CLSTN2: variants seen among roughly 807,000 people sequenced by gnomAD.
The protein encoded by CLSTN2 is calsyntenin 2.
A neutral mutation model predicts 101.2 loss-of-function variants in CLSTN2; 48 were observed. The observed-to-expected ratio is 0.47, with a 90% CI of 0.38 to 0.60. The LOEUF is 0.60. Among genes scored for constraint, CLSTN2 ranks in the 20% least tolerant of loss-of-function variants. The pLI is 0.00. For missense variants in CLSTN2, 1,160 were observed against 1,238.2 expected (o/e 0.94, Z 0.95); for synonymous variants, 481 against 463.6 (o/e 1.04, Z -0.48).
intron 9 of CLSTN2, 29 bp from the exon 10 acceptor site, chr3:140,546,486 A>C (rs1935586188): frequency 6.2e-7 from 1 of 1,608,660 alleles, no homozygotes; most frequent in Non-Finnish European, 8.5e-7. Flanking sequence ...CAGTCTTCAC[A>C]GGGCAAATGA....
intron 2 of CLSTN2, among the ~76,000 whole-genome samples, chr3:140,187,609 A>G (rs1036433656): frequency 6.6e-6 from 1 of 152,148 alleles, no homozygotes; most frequent in African/African-American, 2.4e-5. Flanking sequence ...GCTGTCCTGT[A>G]GTAGGTAAAC....
At chr3:140,419,277 G>A (rs917973929) in intron 4 of CLSTN2, among the ~76,000 whole-genome samples, 3 of 150,394 alleles carry the variant, frequency 2.0e-5, no homozygotes, top group Non-Finnish European at 3.0e-5. Context: ...GAGATCACGA[G>A]TTCGAGACCA....
chr3:140,546,664 C>T lies in CLSTN2; in HGVS notation c.1657C>T (p.Leu553Phe). 1 of 1,612,934 alleles carries T rather than the reference C, an allele frequency of 6.2e-7. No homozygotes were observed. Among genetic ancestry groups the T allele is most frequent in the Non-Finnish European group, 8.5e-7 (1 of 1,179,704 alleles). ...GCTGGACATTAATTCCTTGGAAAGC[C>T]TTGGCCAAGGAATAAAGGTAAGGCA... ...EGLDINSLES[L>F]GQGIKYHFNP... Residue 553 changes from leucine (L) to phenylalanine (F), a missense_variant, in exon 10 of 17, where the codon CTT becomes TTT. Leu to Phe is a conservative substitution (Grantham distance 22). Coordinates refer to ENST00000458420, the MANE Select transcript of CLSTN2 (RefSeq NM_022131.3).
chr3:140,124,508 G>A (rs571389925), intron 1 of CLSTN2, among the ~76,000 whole-genome samples: 13 of 152,296 alleles, frequency 8.5e-5, no homozygotes, highest in South Asian at 8.3e-4. Context: ...AATTTTGAAA[G>A]TAGAGCCATA....
chr3:140,154,822 T>C (rs1409363079), intron 1 of CLSTN2, among the ~76,000 whole-genome samples: 3 of 151,904 alleles, frequency 2.0e-5, no homozygotes, highest in Non-Finnish European at 4.4e-5. Flanking sequence ...TTTTTTGTAT[T>C]TTTAGTAGAG....
At chr3:139,991,903 G>A (rs1936121510) in intron 1 of CLSTN2, among the ~76,000 whole-genome samples, 1 of 152,162 alleles carries the variant, frequency 6.6e-6, no homozygotes, top group Non-Finnish European at 1.5e-5. Context: ...ACAACTTGAG[G>A]TCATCCTGTT....
chr3:139,949,681 A>G (rs1052918494), intron 1 of CLSTN2, among the ~76,000 whole-genome samples: 1 of 152,194 alleles, frequency 6.6e-6, no homozygotes, highest in Non-Finnish European at 1.5e-5. Context: ...TAGCATAGAC[A>G]TAAGGCCCCA....
chr3:140,214,686 G>C (rs1039607775), intron 2 of CLSTN2, among the ~76,000 whole-genome samples: 3 of 152,194 alleles, frequency 2.0e-5, no homozygotes, highest in Non-Finnish European at 4.4e-5. Context: ...TCCAAGGATT[G>C]CTTCTAGAGA....
rs1985697670 is a variant in CLSTN2 at position 140,575,269 on chromosome 3, A to T, written c.*9016A>T. ...GAGATATTGAGGGAAAATGTGACTC[A>T]TAGTTGGAGAGGAAACAGGAGAGTG... is the stretch of plus-strand genomic sequence containing the variant. On this transcript the variant is annotated 3_prime_UTR_variant, in exon 17 of 17. Coordinates refer to ENST00000458420, the MANE Select transcript of CLSTN2 (RefSeq NM_022131.3). The T allele has an allele frequency of 6.6e-6, 1 of 152,222 alleles. No individual in the cohort carries two copies. Among genetic ancestry groups the T allele is most frequent in the Non-Finnish European group, 1.5e-5 (1 of 68,064 alleles). The allele number at this position is 152,222 out of a possible 1,614,324, so 9.4% of individuals were successfully genotyped here. A position where few individuals can be genotyped will look rare whatever the true frequency, so the allele number is the denominator to read the frequency against.
chr3:139,975,137 T>G (rs1448441101), intron 1 of CLSTN2, among the ~76,000 whole-genome samples: 1 of 151,650 alleles, frequency 6.6e-6, no homozygotes, highest in Non-Finnish European at 1.5e-5. Context: ...AAGCTGGGAG[T>G]GGTAACCTCC....
At chr3:140,444,721 G>T (rs145350262) in intron 5 of CLSTN2, among the ~76,000 whole-genome samples, 23 of 152,176 alleles carry the variant, frequency 1.5e-4, no homozygotes, top group East Asian at 7.7e-4. Context: ...CAAAATCCGG[G>T]GTGGTAGATA....
At chr3:140,411,413 G>T (rs778193450) in intron 4 of CLSTN2, among the ~76,000 whole-genome samples, 1 of 152,194 alleles carries the variant, frequency 6.6e-6, no homozygotes, top group African/African-American at 2.4e-5. Context: ...ACGCTAGAGC[G>T]TGTAAATATA....
chr3:140,208,050 A>G (rs2010806528), intron 2 of CLSTN2, among the ~76,000 whole-genome samples: 1 of 152,040 alleles, frequency 6.6e-6, no homozygotes, highest in African/African-American at 2.4e-5. Context: ...TTGCAAAAAT[A>G]TTTCTATTTT....
At chr3:140,115,254 G>T (rs1397258895) in intron 1 of CLSTN2, among the ~76,000 whole-genome samples, 1 of 152,126 alleles carries the variant, frequency 6.6e-6, no homozygotes, top group Non-Finnish European at 1.5e-5. Flanking sequence ...TGCTGTCTTT[G>T]CCTTCCTGGT....
Position 140,572,595 on chromosome 3 carries a change from T to C in CLSTN2, c.*6342T>C, listed in dbSNP as rs1985591425. The C allele has an allele frequency of 6.6e-6, 1 of 152,232 alleles. No individual in the cohort carries two copies. Among genetic ancestry groups the C allele is most frequent in the Non-Finnish European group, 1.5e-5 (1 of 68,086 alleles). The allele number at this position is 152,232 out of a possible 1,614,324, so 9.4% of individuals were successfully genotyped here. On this transcript the variant is annotated 3_prime_UTR_variant, in exon 17 of 17. Coordinates refer to ENST00000458420, the MANE Select transcript of CLSTN2 (RefSeq NM_022131.3). ...CACGAGACCTGCTGAGGGCTTACATTTGGTGCTGAGGAGCAGTGGTTCCCT... is the reference window on the plus strand; with the variant it reads ...CACGAGACCTGCTGAGGGCTTACATCTGGTGCTGAGGAGCAGTGGTTCCCT...
intron 1 of CLSTN2, among the ~76,000 whole-genome samples, chr3:140,154,641 C>CTTTTTTT (rs35699283): frequency 4.3e-5 from 4 of 92,864 alleles, no homozygotes; most frequent in African/African-American, 8.2e-5. Flanking sequence ...AAGTATCACC[C>CTTTTTTT]TTTTTTTTTT....
At position 140,459,562 on chromosome 3, in the gene CLSTN2, G is replaced by A. The variant is rs375272859; in HGVS notation, c.1015G>A (p.Ala339Thr). Residue 339 changes from alanine to threonine, a missense_variant, in exon 7 of 17, where the codon GCT becomes ACT. Physicochemically the swap from Ala to Thr is moderately conservative, Grantham distance 58. Coordinates refer to ENST00000458420, the MANE Select transcript of CLSTN2 (RefSeq NM_022131.3). ...GIIDLLPSPS[A>T]ATNWTAGLLV... ...CATTGACCTCTTGCCATCCCCTAGC[G>A]CTGCCACCAACTGGACTGCAGGACT... 58 of 1,613,934 alleles carry A rather than the reference G, an allele frequency of 3.6e-5. No individual in the cohort carries two copies. The highest frequency in any genetic ancestry group is 2.7e-4 in the East Asian group (12 of 44,876).
In CLSTN2 at chr3:140,562,172, T is replaced by C. The variant is rs752862146; in HGVS notation, c.2076T>C (p.His692=). 2.5e-6 allele frequency: 4 copies of C among 1,614,088 alleles called. No individual in the cohort carries two copies. The highest frequency in any genetic ancestry group is 1.7e-4 in the Middle Eastern group (1 of 6,054). Residue 692 remains histidine, a synonymous_variant, in exon 13 of 17, where the codon CAT becomes CAC. Coordinates refer to ENST00000458420, the MANE Select transcript of CLSTN2 (RefSeq NM_022131.3). The part of the protein sequence containing the change: ...PKSEVLEEML[H]NLDFCDILVI... ...CAGAAGTCTTAGAGGAAATGCTTCA[T>C]AACTTAGATTTCTGTGACATTTTGG...
At chr3:139,965,243 T>C (rs971367015) in intron 1 of CLSTN2, among the ~76,000 whole-genome samples, 3 of 152,206 alleles carry the variant, frequency 2.0e-5, no homozygotes, top group Admixed American at 6.5e-5. Context: ...TTGGAATTGA[T>C]TGATCCATTG....
Sources: allele counts gnomAD v4.1 joint callset (sites outside exome capture counted in the v4.1 genomes callset), GRCh38; gene constraint gnomAD v4.1.1; transcripts MANE v1.5; gene names NCBI Gene and HGNC (gene_info 2026-07-23, HGNC 2026-07-21).